PIGU: variants seen among roughly 807,000 people sequenced by gnomAD.
PIGU encodes GPI-anchor transamidase component PIGU.
A neutral mutation model predicts 49.9 loss-of-function variants in PIGU; 24 were observed. The ratio of observed to expected loss-of-function variants is 0.48; its 90% CI spans 0.35 to 0.68. The LOEUF (loss-of-function observed/expected upper bound fraction) is 0.68. Ranked by LOEUF, PIGU falls within the 30% of genes least tolerant of loss-of-function variation. The pLI is 0.01. For missense variants in PIGU, 490 were observed against 532.6 expected (o/e 0.92, Z 0.79); for synonymous variants, 220 against 205.7 (o/e 1.07, Z -0.59).
Position 34,676,958 on chromosome 20 carries a change from C to A in PIGU, c.128G>T (p.Arg43Ile). The A allele has an allele frequency of 6.4e-7, 1 of 1,570,826 alleles. No individual in the cohort carries two copies. Among genetic ancestry groups the A allele is most frequent in the East Asian group, 2.3e-5 (1 of 43,336 alleles). ...TCTGCTCGAGCCAGTGGCCTCACCT[C>A]TCTTCCAAGAGCTCAGTGGGGACAC... ...EVVSPLSSWKRVVEGLSLLDL... is the reference protein window; with the variant it reads ...EVVSPLSSWKIVVEGLSLLDL... Residue 43 changes from arginine to isoleucine, a missense_variant and splice_region_variant, in exon 1 of 12, where the codon AGA (arginine) becomes ATA (isoleucine). Physicochemically the swap from Arg to Ile is moderately conservative, Grantham distance 97 (BLOSUM62 -3). Transcript: ENST00000217446.
chr20:34,651,019 TTGG>T (rs1244732488), intron 2 of PIGU, among the ~76,000 whole-genome samples: 1 of 151,998 alleles, frequency 6.6e-6, no homozygotes, highest in Non-Finnish European at 1.5e-5. Flanking sequence ...CAGCCAATGG[TTGG>T]TAATTTTTTA....
chr20:34,643,341 G>A (rs1271006087), intron 4 of PIGU, among the ~76,000 whole-genome samples: 1 of 152,120 alleles, frequency 6.6e-6, no homozygotes, highest in Non-Finnish European at 1.5e-5. Flanking sequence ...AATCTCTCTG[G>A]GGTCTAAAAT....
rs147311522 is a variant in PIGU at position 34,636,451 on chromosome 20, G to A, written c.428+1425C>T. Among the ~76,000 whole-genome samples the A allele has an allele frequency of 8.8e-3, 1,345 of 152,082 alleles. 22 individuals carry two copies. The highest frequency in any genetic ancestry group is 0.031 in the African/African-American group (1,301 of 41,476). ...CCCAGCTACTCGGGAGGCTGAGGCAGGAGAATTGCTTGAACCCAGGAGGTA... is the reference window on the plus strand; with the variant it reads ...CCCAGCTACTCGGGAGGCTGAGGCAAGAGAATTGCTTGAACCCAGGAGGTA... On this transcript the variant is annotated intron_variant, in intron 5 of 11. Transcript: ENST00000217446.
chr20:34,570,607 G>A (rs527423432), intron 11 of PIGU, among the ~76,000 whole-genome samples: 2 of 152,076 alleles, frequency 1.3e-5, no homozygotes, highest in African/African-American at 2.4e-5. Context: ...TAGAGACGGG[G>A]TTTCACCGTG....
chr20:34,596,527 CTG>C (rs1415151024), intron 7 of PIGU, among the ~76,000 whole-genome samples: 9 of 152,108 alleles, frequency 5.9e-5, no homozygotes, highest in African/African-American at 2.2e-4. Context: ...ACAAGAAACT[CTG>C]TACTATTTTT....
intron 6 of PIGU, among the ~76,000 whole-genome samples, chr20:34,616,357 G>A (rs1443106622): frequency 1.3e-5 from 2 of 152,066 alleles, no homozygotes; most frequent in African/African-American, 4.8e-5. Context: ...TCTACCTTTG[G>A]CAACCTGAGA....
chr20:34,581,807 AGGCATG>A, intron 9 of PIGU, 135 bp from the exon 10 acceptor site: 1 of 1,204,454 alleles, frequency 8.3e-7, no homozygotes, highest in South Asian at 1.6e-5. Context: ...GCTATCCACA[AGGCATG>A]GGCCAGGCCC....
At position 34,581,684 on chromosome 20, in the gene PIGU, C is replaced by A. The variant is rs1983476547; in HGVS notation, c.927-12G>T. On this transcript the variant is annotated splice_polypyrimidine_tract_variant and intron_variant, in intron 9 of 11. Coordinates refer to ENST00000217446, the MANE Select transcript of PIGU (RefSeq NM_080476.5). ...AGATGGGGTGCTCCCTGGGGCAGGGCAGGGGAAAGAGAGAGAGAGATGAGT... is the reference window on the plus strand; with the variant it reads ...AGATGGGGTGCTCCCTGGGGCAGGGAAGGGGAAAGAGAGAGAGAGATGAGT... 1.1e-5 allele frequency: 17 copies of A among 1,592,046 alleles called. No individual in the cohort carries two copies. Among genetic ancestry groups the A allele is most frequent in the Non-Finnish European group, 1.4e-5 (16 of 1,171,914 alleles).
chr20:34,651,500 T>C (rs908979315), intron 2 of PIGU, among the ~76,000 whole-genome samples: 1 of 152,226 alleles, frequency 6.6e-6, no homozygotes, highest in Non-Finnish European at 1.5e-5. Flanking sequence ...ATCTTGGTAC[T>C]TTCCAATGCC....
chr20:34,645,473 C>T (rs879697775), intron 2 of PIGU, 139 bp from the exon 3 acceptor site: 290 of 1,205,120 alleles, frequency 2.4e-4, no homozygotes, highest in Middle Eastern at 4.7e-4. Flanking sequence ...TACTGTTCTA[C>T]GCCAGCTGGC....
At chr20:34,607,304 A>G (rs988759379) in intron 7 of PIGU, among the ~76,000 whole-genome samples, 2 of 152,116 alleles carry the variant, frequency 1.3e-5, no homozygotes, top group African/African-American at 4.8e-5. Context: ...GCCTTTTCCA[A>G]AACCACCCTG....
chr20:34,625,380 A>C (rs1038001994), intron 6 of PIGU, among the ~76,000 whole-genome samples: 5 of 151,710 alleles, frequency 3.3e-5, no homozygotes, highest in African/African-American at 1.2e-4. Flanking sequence ...AAAAAAAAAA[A>C]AACAAAAAAA....
intron 2 of PIGU, 21 bp downstream of exon 2, chr20:34,657,159 A>G (rs776213230): frequency 3.2e-6 from 5 of 1,586,026 alleles, no homozygotes; most frequent in Non-Finnish European, 4.3e-6. Context: ...GGTACCCAGA[A>G]AAGAAAATAA....
At chr20:34,605,615 C>T (rs1984582192) in intron 7 of PIGU, among the ~76,000 whole-genome samples, 1 of 152,152 alleles carries the variant, frequency 6.6e-6, no homozygotes, top group Non-Finnish European at 1.5e-5. Flanking sequence ...ATTATATTAT[C>T]CCTGTGGAAG....
At position 34,588,607 on chromosome 20, in the gene PIGU, G is replaced by A. The variant is rs757337483; in HGVS notation, c.628C>T (p.Arg210Trp). The A allele has an allele frequency of 1.2e-5, 20 of 1,611,118 alleles. No individual in the cohort carries two copies. Among genetic ancestry groups the A allele is most frequent in the African/African-American group, 2.7e-5 (2 of 74,822 alleles). The change falls in exon 8 of 12, where the codon CGG becomes TGG. Residue 210 changes from arginine to tryptophan, a missense_variant and splice_region_variant. By Grantham distance (101) the Arg-to-Trp change is moderately radical. Transcript: ENST00000217446. ...FVPGLLYLLQ[R>W]QYIPVKMKSK... ...TTCATTTTCACAGGTATGTACTGCCGCTGGAGAGAAGGCAAAGTGATATAA... is the reference window on the plus strand; with the variant it reads ...TTCATTTTCACAGGTATGTACTGCCACTGGAGAGAAGGCAAAGTGATATAA...
At chr20:34,571,167 TTC>T (rs1476313494) in intron 11 of PIGU, among the ~76,000 whole-genome samples, 1 of 152,180 alleles carries the variant, frequency 6.6e-6, no homozygotes, top group Non-Finnish European at 1.5e-5. Flanking sequence ...CCCTCCTTCG[TTC>T]TCTCACACTC....
intron 7 of PIGU, among the ~76,000 whole-genome samples, chr20:34,613,272 A>C (rs1984888153): frequency 6.6e-6 from 1 of 152,170 alleles, no homozygotes; most frequent in African/African-American, 2.4e-5. Context: ...CTGCCAAAGC[A>C]ATCTTCCTGG....
intron 7 of PIGU, among the ~76,000 whole-genome samples, chr20:34,596,066 G>A (rs1486328611): frequency 6.6e-6 from 1 of 152,190 alleles, no homozygotes; most frequent in Non-Finnish European, 1.5e-5. Context: ...TTACAGTGGA[G>A]AAACCTGGCA....
At chr20:34,588,658 C>G (rs771525170) in intron 7 of PIGU, 51 bp from the exon 8 acceptor site, 2 of 1,535,354 alleles carry the variant, frequency 1.3e-6, no homozygotes, top group South Asian at 2.4e-5. Flanking sequence ...CAACAGAGGG[C>G]AGCTATTAGC....
Sources: allele counts gnomAD v4.1 joint callset (sites outside exome capture counted in the v4.1 genomes callset), GRCh38; gene constraint gnomAD v4.1.1; transcripts MANE v1.5; gene names NCBI Gene and HGNC (gene_info 2026-07-23, HGNC 2026-07-21).